The following CAV1 variants were observed in gnomAD, a reference collection of about 807,000 sequenced individuals.
CAV1 encodes caveolin-1.
Under a neutral mutation model 16.5 loss-of-function variants are expected in CAV1, and 10 were observed. That is an observed-to-expected ratio of 0.61 (90% CI 0.37 to 1.03). CAV1 has a LOEUF of 1.03. CAV1 is among the 50% of genes least tolerant of loss of function. The pLI is 0.01. For missense variants in CAV1, 212 were observed against 232.8 expected, an observed-to-expected ratio of 0.91 and a Z score of 0.58; for synonymous variants, 76 against 85.1, an observed-to-expected ratio of 0.89 and a Z score of 0.59.
intron 2 of CAV1, among the ~76,000 whole-genome samples, chr7:116,543,531 T>C (rs1375359384): frequency 1.3e-5 from 2 of 152,240 alleles, no homozygotes; most frequent in African/African-American, 4.8e-5. Context: ...TAATCATCCT[T>C]GCCACCAAAT....
chr7:116,548,795 A>G (rs1794102619), intron 2 of CAV1, among the ~76,000 whole-genome samples: 1 of 151,994 alleles, frequency 6.6e-6, no homozygotes, highest in African/African-American at 2.4e-5. Flanking sequence ...AAATGGGGGG[A>G]AATAATACCT....
At chr7:116,541,948 A>T (rs1262073366) in intron 2 of CAV1, among the ~76,000 whole-genome samples, 2 of 152,180 alleles carry the variant, frequency 1.3e-5, no homozygotes, top group Non-Finnish European at 2.9e-5. Context: ...CAGCCTTCAC[A>T]CACAGCCTCA....
chr7:116,526,369 G>C, intron 1 of CAV1, 156 bp from the exon 2 acceptor site: 1 of 1,511,662 alleles, frequency 6.6e-7, no homozygotes, highest in Non-Finnish European at 8.8e-7. Flanking sequence ...TCTGTGCACG[G>C]AGCCGTAGCT....
At chr7:116,535,583 G>A (rs1793792599) in intron 2 of CAV1, among the ~76,000 whole-genome samples, 1 of 152,170 alleles carries the variant, frequency 6.6e-6, no homozygotes, top group African/African-American at 2.4e-5. Flanking sequence ...ATTGTTTAGG[G>A]TGGGGGAAGT....
intron 2 of CAV1, among the ~76,000 whole-genome samples, chr7:116,555,544 G>GAGAGAA (rs1562838368): frequency 4.8e-5 from 1 of 20,984 alleles, no homozygotes; most frequent in African/African-American, 1.5e-4. Context: ...GAGAGAGAGA[G>GAGAGAA]AAAGAAAGAA....
rs1243282757 is a variant in CAV1, at chr7:116,529,249, G to A, written c.195+2560G>A. Among the ~76,000 whole-genome samples, 3 of 152,108 alleles carry A rather than the reference G, an allele frequency of 2.0e-5. No individual in the cohort carries two copies. The East Asian group carries it at 5.8e-4, about 29-fold the overall frequency. Reference sequence around the variant, plus strand: ...CTTCACATAATAAGAAAGAACCAGTGGCCAATGGAATCTACTGTTAAAGGT... The same window carrying A: ...CTTCACATAATAAGAAAGAACCAGTAGCCAATGGAATCTACTGTTAAAGGT... On this transcript the variant is annotated intron_variant, in intron 2 of 2. Coordinates refer to ENST00000341049, the MANE Select transcript of CAV1 (RefSeq NM_001753.5).
intron 2 of CAV1, among the ~76,000 whole-genome samples, chr7:116,558,007 C>T (rs1012894773): frequency 3.9e-5 from 6 of 152,080 alleles, no homozygotes; most frequent in African/African-American, 1.4e-4. Flanking sequence ...TTGCTTGTTC[C>T]TGGGGCTTTG....
chr7:116,548,270 A>G (rs1192077311), intron 2 of CAV1, among the ~76,000 whole-genome samples: 1 of 152,238 alleles, frequency 6.6e-6, no homozygotes, highest in Non-Finnish European at 1.5e-5. Flanking sequence ...CACTGACACT[A>G]AAGAAATGGA....
At chr7:116,549,531 A>C (rs983800394) in intron 2 of CAV1, among the ~76,000 whole-genome samples, 1 of 152,168 alleles carries the variant, frequency 6.6e-6, no homozygotes, top group African/African-American at 2.4e-5. Flanking sequence ...AAATCATTTA[A>C]AATAAAATGA....
rs577415210 is a variant in CAV1 at position 116,546,556 on chromosome 7, G to A, written c.196-12390G>A. 2.0e-5 allele frequency among the ~76,000 whole-genome samples: 3 copies of A among 152,056 alleles called. No homozygotes were observed. The East Asian group carries it at 5.8e-4, about 29-fold the overall frequency. On this transcript the variant is annotated intron_variant, in intron 2 of 2. Transcript: ENST00000341049. Reference sequence around the variant, plus strand: ...AATAAAAAAAAAAAAAATTAGTCAGGTGTGGTGGCGGATGCCTGTAATCCC... The same window carrying A: ...AATAAAAAAAAAAAAAATTAGTCAGATGTGGTGGCGGATGCCTGTAATCCC...
At chr7:116,554,015 C>G (rs1794215120) in intron 2 of CAV1, among the ~76,000 whole-genome samples, 1 of 152,174 alleles carries the variant, frequency 6.6e-6, no homozygotes, top group Non-Finnish European at 1.5e-5. Context: ...AATTGCAATC[C>G]TGTGCTGCCA....
intron 2 of CAV1, among the ~76,000 whole-genome samples, chr7:116,540,453 T>C (rs1330519319): frequency 6.6e-6 from 1 of 152,160 alleles, no homozygotes; most frequent in East Asian, 1.9e-4. Context: ...AAGTGTAAAA[T>C]ACCAGGATCA....
intron 2 of CAV1, chr7:116,542,916 A>G (rs1304997012): frequency 6.6e-6 from 1 of 152,168 alleles, no homozygotes; most frequent in Non-Finnish European, 1.5e-5. Context: ...GCGAGTGGCC[A>G]CAGAGATCTT....
chr7:116,536,379 T>G (rs1793816616), intron 2 of CAV1, among the ~76,000 whole-genome samples: 1 of 152,090 alleles, frequency 6.6e-6, no homozygotes, highest in South Asian at 2.1e-4. Flanking sequence ...TCTGAAGAGT[T>G]TAGGGCTTAG....
chr7:116,552,510 A>T (rs1794183160), intron 2 of CAV1, among the ~76,000 whole-genome samples: 1 of 152,202 alleles, frequency 6.6e-6, no homozygotes, highest in Non-Finnish European at 1.5e-5. Flanking sequence ...CTTTAAAATA[A>T]AGGTATATCT....
At chr7:116,540,089 C>T (rs1257300290) in intron 2 of CAV1, among the ~76,000 whole-genome samples, 2 of 152,244 alleles carry the variant, frequency 1.3e-5, no homozygotes, top group Non-Finnish European at 2.9e-5. Flanking sequence ...TTTGGCTTTA[C>T]TGCTTCTAGA....
intron 2 of CAV1, among the ~76,000 whole-genome samples, chr7:116,534,488 C>T (rs897352148): frequency 7.0e-6 from 1 of 143,132 alleles, no homozygotes. Flanking sequence ...CAAGCTCCGT[C>T]TCCCGGGTTC....
intron 2 of CAV1, among the ~76,000 whole-genome samples, chr7:116,535,492 A>G (rs1025587293): frequency 1.3e-5 from 2 of 152,214 alleles, no homozygotes; most frequent in Admixed American, 1.3e-4. Context: ...CTACTCAGTA[A>G]AAGATGTAAA....
chr7:116,553,086 A>G (rs1286516866), intron 2 of CAV1, among the ~76,000 whole-genome samples: 1 of 152,262 alleles, frequency 6.6e-6, no homozygotes, highest in Admixed American at 6.5e-5. Flanking sequence ...TAAGATCATT[A>G]CTTATGAAAT....
Sources: allele counts gnomAD v4.1 joint callset (sites outside exome capture counted in the v4.1 genomes callset), GRCh38; gene constraint gnomAD v4.1.1; transcripts MANE v1.5; gene names NCBI Gene and HGNC (gene_info 2026-07-23, HGNC 2026-07-21).